NSMAF: variants seen among roughly 807,000 people sequenced by gnomAD.
NSMAF encodes the protein protein FAN.
NSMAF carries 90 observed loss-of-function variants against 134.9 expected under a neutral mutation model. The observed-to-expected ratio is 0.67, with a 90% confidence interval of 0.56 to 0.79. The LOEUF (loss-of-function observed/expected upper bound fraction) is 0.79. Among genes scored for constraint, NSMAF ranks in the 30% least tolerant of loss-of-function variants. The pLI, the probability that NSMAF is intolerant of heterozygous loss-of-function variation, is 0.00. For missense variants in NSMAF, 1,010 were observed against 1,119.0 expected (o/e 0.90, Z 1.39); for synonymous variants, 358 against 389.6 (o/e 0.92, Z 0.96).
intron 1 of NSMAF, among the ~76,000 whole-genome samples, chr8:58,654,460 G>A (rs1187249801): frequency 6.6e-6 from 1 of 152,130 alleles, no homozygotes; most frequent in Non-Finnish European, 1.5e-5. Context: ...TGAGGCAGGA[G>A]AATCGCTTGA....
At chr8:58,585,274 G>T (rs903694824) in intron 30 of NSMAF, among the ~76,000 whole-genome samples, 3 of 150,892 alleles carry the variant, frequency 2.0e-5, no homozygotes, top group African/African-American at 7.4e-5. Flanking sequence ...GCGGTAGAAA[G>T]AAGCCTTAAT....
chr8:58,603,371 T>TCC lies in NSMAF; in HGVS notation c.882_883dup (p.Glu295GlyfsTer46), dbSNP rs753654484. 2 of 1,613,840 alleles carry TCC rather than the reference T, an allele frequency of 1.2e-6. No homozygotes were observed. The highest frequency in any genetic ancestry group is 3.3e-5 in the Admixed American group (2 of 60,020). On this transcript the variant is annotated frameshift_variant, in exon 13 of 31. Coordinates refer to ENST00000038176, the MANE Select transcript of NSMAF (RefSeq NM_003580.4). LOFTEE classifies it high-confidence loss of function. ...CAGCATGTAGCTCTCAGCAGTGTGC[T>TCC]CCGCCACATGGTGCTCTGGGGGAAG...
intron 2 of NSMAF, among the ~76,000 whole-genome samples, chr8:58,641,484 T>C (rs1280945733): frequency 6.6e-6 from 1 of 152,236 alleles, no homozygotes; most frequent in Non-Finnish European, 1.5e-5. Context: ...GTGATAAATC[T>C]GCCCCCTTCT....
Position 58,585,776 on chromosome 8 carries a change from T to G in NSMAF, c.2550-15A>C. 1 of 1,608,934 alleles carries G rather than the reference T, an allele frequency of 6.2e-7. No homozygotes were observed. The highest frequency in any genetic ancestry group is 2.2e-5 in the East Asian group (1 of 44,854). The stretch of plus-strand genomic sequence containing the variant: ...AGACAAAGCACCTGCAAGAATGATT[T>G]AGAAATAGTCCTTTCTTCATCATGA... On this transcript the variant is annotated splice_polypyrimidine_tract_variant and intron_variant, in intron 29 of 30. Transcript: ENST00000038176.
At chr8:58,651,682 G>C (rs978539926) in intron 1 of NSMAF, among the ~76,000 whole-genome samples, 33 of 152,212 alleles carry the variant, frequency 2.2e-4, no homozygotes, top group African/African-American at 7.7e-4. Context: ...CTATCAAGAA[G>C]TTAAAGAAGG....
chr8:58,605,343 G>T (rs192615661), intron 12 of NSMAF, among the ~76,000 whole-genome samples: 1 of 152,282 alleles, frequency 6.6e-6, no homozygotes, highest in East Asian at 1.9e-4. Flanking sequence ...ACAAACATAT[G>T]AATAACTCAC....
At chr8:58,587,419 C>A (rs1805910477) in intron 27 of NSMAF, among the ~76,000 whole-genome samples, 199 bp downstream of exon 27, 2 of 152,134 alleles carry the variant, frequency 1.3e-5, no homozygotes, top group Non-Finnish European at 2.9e-5. Flanking sequence ...AAAGAAGTAA[C>A]TTGGAGAAAA....
intron 2 of NSMAF, among the ~76,000 whole-genome samples, chr8:58,642,511 A>T (rs1364697377): frequency 6.6e-6 from 1 of 152,212 alleles, no homozygotes; most frequent in Non-Finnish European, 1.5e-5. Context: ...TACTGATTTT[A>T]TACCACTCTT....
At chr8:58,589,379 AT>A in intron 26 of NSMAF, 72 bp downstream of exon 26, 1 of 1,258,074 alleles carries the variant, frequency 7.9e-7, no homozygotes, top group Non-Finnish European at 1.0e-6. Flanking sequence ...CTGTATGTAC[AT>A]TTTAAGCTAA....
rs2129140409 is a variant in NSMAF, at chr8:58,597,400, C to A, written c.1779G>T (p.Met593Ile). ...TACAAAATTTACCTGGGGAATCTGCCATAGAAGCATTATAACTGGAGGTCT... is the reference window on the plus strand; with the variant it reads ...TACAAAATTTACCTGGGGAATCTGCAATAGAAGCATTATAACTGGAGGTCT... ...LSQTSSYNAS[M>I]ADSPGEESFE... is the part of the protein sequence containing the mutation. Residue 593 changes from methionine (M) to isoleucine (I), a missense_variant, in exon 21 of 31, where the codon ATG (methionine) becomes ATT (isoleucine). Transcript: ENST00000038176. 1 of 1,614,008 alleles carries A rather than the reference C, an allele frequency of 6.2e-7. No homozygotes were observed. The highest frequency in any genetic ancestry group is 1.7e-4 in the Middle Eastern group (1 of 6,060).
intron 1 of NSMAF, among the ~76,000 whole-genome samples, chr8:58,652,182 C>G (rs1023758238): frequency 2.0e-5 from 3 of 152,042 alleles, no homozygotes; most frequent in Non-Finnish European, 2.9e-5. Flanking sequence ...TATATCTAGA[C>G]AGCAAAAAAC....
chr8:58,634,704 A>G (rs1382416401), intron 5 of NSMAF, among the ~76,000 whole-genome samples: 3 of 152,222 alleles, frequency 2.0e-5, no homozygotes, highest in African/African-American at 4.8e-5. Flanking sequence ...TTTATTGCCA[A>G]TGCTGTCATG....
intron 23 of NSMAF, among the ~76,000 whole-genome samples, chr8:58,592,914 C>CAA (rs199553444): frequency 2.4e-5 from 2 of 85,060 alleles, no homozygotes; most frequent in African/African-American, 5.6e-5. Context: ...AAAACAACAA[C>CAA]AACAAAAAAA....
chr8:58,647,201 G>A (rs1445635058), intron 1 of NSMAF, among the ~76,000 whole-genome samples: 5 of 152,232 alleles, frequency 3.3e-5, no homozygotes, highest in Non-Finnish European at 7.3e-5. Flanking sequence ...CAGAGGCAAA[G>A]GAAAGCACAG....
At position 58,597,445 on chromosome 8, in the gene NSMAF, T is replaced by C. The variant is rs1806162858; in HGVS notation, c.1734A>G (p.Pro578=). Residue 578 remains proline, a synonymous_variant, in exon 21 of 31, where the codon CCA becomes CCG. Transcript: ENST00000038176. ...FVTPHPRRIT[P]KFKSLSQTSS... ...AGGTCTGGGACAAACTTTTAAACTT[T>C]GGGGTGATCCTTCGAGGATGTGGTG... is the stretch of plus-strand genomic sequence containing the variant. 6.2e-7 allele frequency: 1 copy of C among 1,614,194 alleles called. No individual in the cohort carries two copies. The highest frequency in any genetic ancestry group is 8.5e-7 in the Non-Finnish European group (1 of 1,180,010).
chr8:58,598,929 G>A (rs756381580), intron 19 of NSMAF, among the ~76,000 whole-genome samples: 9 of 152,188 alleles, frequency 5.9e-5, no homozygotes, highest in Non-Finnish European at 1.2e-4. Context: ...GGGAGGCTGA[G>A]GCAGTAGAAT....
At chr8:58,611,111 C>T (rs1354250599) in intron 9 of NSMAF, among the ~76,000 whole-genome samples, 5 of 152,080 alleles carry the variant, frequency 3.3e-5, no homozygotes, top group Non-Finnish European at 7.4e-5. Flanking sequence ...AATTACAATA[C>T]AATAAAATTA....
chr8:58,621,500 T>C (rs1806788114), intron 9 of NSMAF, among the ~76,000 whole-genome samples: 1 of 152,210 alleles, frequency 6.6e-6, no homozygotes, highest in Admixed American at 6.5e-5. Flanking sequence ...GGTCAAATGG[T>C]AGCTCTGTTT....
At position 58,640,028 on chromosome 8, in the gene NSMAF, C is replaced by T. The variant is rs982812280; in HGVS notation, c.149+2956G>A. The T allele has an allele frequency of 5.7e-5, 26 of 453,064 alleles. 1 individual carries two copies. The Middle Eastern group carries it at 2.0e-3, about 34-fold the overall frequency. 28.1% of individuals were successfully genotyped at this position (453,064 alleles called of 1,614,324 possible). A position where few individuals can be genotyped will look rare whatever the true frequency, so the allele number is the denominator to read the frequency against. On this transcript the variant is annotated intron_variant, in intron 2 of 30. Coordinates refer to ENST00000038176, the MANE Select transcript of NSMAF (RefSeq NM_003580.4). ...TCAGGCAAGAGTAAGTTAAACTTCA[C>T]GAAATTAAAGGGGGTGGAAGAAATG...
Sources: allele counts gnomAD v4.1 joint callset (sites outside exome capture counted in the v4.1 genomes callset), GRCh38; gene constraint gnomAD v4.1.1; transcripts MANE v1.5; gene names NCBI Gene and HGNC (gene_info 2026-07-23, HGNC 2026-07-21).